Variants in CTNNA2 observed in about 807,000 individuals in gnomAD.
CTNNA2 encodes the protein catenin alpha 2, also known as catenin alpha-2.
In CTNNA2, 42 loss-of-function variants were observed where a neutral mutation model predicts 101.0. That is an observed-to-expected ratio of 0.42 (90% CI 0.32 to 0.54). CTNNA2 has a LOEUF of 0.54. Among genes scored for constraint, CTNNA2 ranks in the 20% least tolerant of loss-of-function variants. CTNNA2 has a pLI of 0.14. For synonymous variants in CTNNA2, 450 were observed against 456.4 expected (o/e 0.99, Z 0.18); for missense variants, 871 against 1,223.1 (o/e 0.71, Z 4.29).
In CTNNA2 at chr2:80,517,883, A is replaced by G. The variant is rs140812313; in HGVS notation, c.1291-27099A>G. Among the ~76,000 whole-genome samples, 333 of 152,328 alleles carry G rather than the reference A, an allele frequency of 2.2e-3. 1 individual carries two copies. The highest frequency in any genetic ancestry group is 7.6e-3 in the African/African-American group (314 of 41,578). On this transcript the variant is annotated intron_variant, in intron 9 of 18. Transcript: ENST00000402739. ...GATCCAGGAAACTCATTTTATGATC[A>G]GAGTGTATTGAAAACATTGGCTTGT...
chr2:79,486,645 G>T (rs138221923), intron 4 of CTNNA2, among the ~76,000 whole-genome samples: 1 of 152,018 alleles, frequency 6.6e-6, no homozygotes, highest in African/African-American at 2.4e-5. Flanking sequence ...CTGAGGAATC[G>T]CCACACTGAC....
chr2:79,222,683 T>TTC (rs201358863), intron 2 of CTNNA2, among the ~76,000 whole-genome samples: 3,612 of 150,948 alleles, frequency 0.024, 146 homozygotes, highest in East Asian at 0.16. Context: ...TCTTCCTTTA[T>TTC]TCTCTCTCTC....
At chr2:79,497,492 C>T (rs1172758298) in intron 4 of CTNNA2, among the ~76,000 whole-genome samples, 1 of 152,178 alleles carries the variant, frequency 6.6e-6, no homozygotes, top group Non-Finnish European at 1.5e-5. Flanking sequence ...ATTTCTCTAT[C>T]CCTTCCAGTT....
At chr2:79,513,677 C>T (rs1671651805) in intron 1 of CTNNA2, among the ~76,000 whole-genome samples, 1 of 136,824 alleles carries the variant, frequency 7.3e-6, no homozygotes, top group African/African-American at 2.8e-5. Flanking sequence ...GGGTAGAGTA[C>T]TGGGAACTGG....
At chr2:79,476,355 A>G (rs895297619) in intron 4 of CTNNA2, among the ~76,000 whole-genome samples, 3 of 152,216 alleles carry the variant, frequency 2.0e-5, no homozygotes, top group Non-Finnish European at 2.9e-5. Context: ...AGAAATCCTG[A>G]GCATCCAAGA....
At chr2:79,352,506 T>G (rs1412098037) in intron 3 of CTNNA2, among the ~76,000 whole-genome samples, 1 of 152,184 alleles carries the variant, frequency 6.6e-6, no homozygotes, top group African/African-American at 2.4e-5. Flanking sequence ...TAGCAGTCTA[T>G]TAATTTTGTT....
intron 7 of CTNNA2, among the ~76,000 whole-genome samples, chr2:80,047,028 T>C (rs1236723505): frequency 2.6e-5 from 4 of 152,134 alleles, no homozygotes; most frequent in African/African-American, 9.7e-5. Context: ...CTACCCCCAG[T>C]TGCGATACCT....
chr2:79,234,157 T>C (rs995404339), intron 2 of CTNNA2, among the ~76,000 whole-genome samples: 1 of 151,554 alleles, frequency 6.6e-6, no homozygotes, highest in Non-Finnish European at 1.5e-5. Context: ...TGCTTGAGAG[T>C]ATTTTTGAGG....
chr2:80,613,409 G>C (rs916722480), intron 17 of CTNNA2, among the ~76,000 whole-genome samples: 1 of 151,440 alleles, frequency 6.6e-6, no homozygotes, highest in East Asian at 2.0e-4. Context: ...GAAGAAATGG[G>C]AAGTTAATAG....
intron 9 of CTNNA2, among the ~76,000 whole-genome samples, chr2:80,468,693 G>A (rs1359287566): frequency 6.6e-6 from 1 of 152,172 alleles, no homozygotes; most frequent in African/African-American, 2.4e-5. Context: ...TGGGATTACA[G>A]GTGTGAGCCA....
At chr2:79,972,983 TG>T (rs1287856056) in intron 7 of CTNNA2, among the ~76,000 whole-genome samples, 1 of 152,190 alleles carries the variant, frequency 6.6e-6, no homozygotes, top group African/African-American at 2.4e-5. Context: ...AACTCATGAT[TG>T]ATCTAAAATT....
chr2:79,888,317 C>T (rs1388512915), intron 6 of CTNNA2, among the ~76,000 whole-genome samples: 1 of 152,154 alleles, frequency 6.6e-6, no homozygotes, highest in East Asian at 1.9e-4. Context: ...AGCTATACCG[C>T]TTCACTTTCC....
intron 7 of CTNNA2, among the ~76,000 whole-genome samples, chr2:80,218,193 A>G (rs2149049037): frequency 6.6e-6 from 1 of 152,340 alleles, no homozygotes; most frequent in South Asian, 2.1e-4. Flanking sequence ...ACTACCCATA[A>G]GTCTGGCTCT....
chr2:79,388,482 A>G (rs1365915383), intron 4 of CTNNA2, among the ~76,000 whole-genome samples: 1 of 152,244 alleles, frequency 6.6e-6, no homozygotes, highest in African/African-American at 2.4e-5. Flanking sequence ...TTAGGTCTCC[A>G]GTTTTTGTAG....
chr2:80,240,729 G>A (rs1173691399), intron 7 of CTNNA2, among the ~76,000 whole-genome samples: 2 of 152,094 alleles, frequency 1.3e-5, no homozygotes, highest in Non-Finnish European at 2.9e-5. Flanking sequence ...GATCTCATAT[G>A]GGAATGTAAG....
intron 3 of CTNNA2, among the ~76,000 whole-genome samples, chr2:79,800,891 G>A (rs1186965486): frequency 6.6e-6 from 1 of 152,200 alleles, no homozygotes; most frequent in African/African-American, 2.4e-5. Flanking sequence ...AGGTGTCATA[G>A]AAAGTGGTTA....
intron 7 of CTNNA2, among the ~76,000 whole-genome samples, chr2:80,146,935 TTTTATTTATTTA>T (rs71386614): frequency 0.011 from 1,489 of 131,480 alleles, 24 homozygotes; most frequent in African/African-American, 0.037. Context: ...GTATTTTGTA[TTTTATTTATTTA>T]TTTATTTATT....
intron 7 of CTNNA2, among the ~76,000 whole-genome samples, chr2:79,977,489 T>C (rs1558692703): frequency 6.6e-6 from 1 of 152,148 alleles, no homozygotes; most frequent in Non-Finnish European, 1.5e-5. Context: ...ACAGCACCTA[T>C]TTAGACTTGC....
At chr2:79,420,039 C>T (rs767249267) in intron 4 of CTNNA2, among the ~76,000 whole-genome samples, 13 of 152,204 alleles carry the variant, frequency 8.5e-5, no homozygotes, top group Admixed American at 3.3e-4. Flanking sequence ...TGAAATGGCC[C>T]TCACTTTGTT....
Sources: gnomAD v4.1 joint callset for allele counts (sites outside exome capture counted in the v4.1 genomes callset) on GRCh38, gnomAD v4.1.1 for gene constraint, MANE v1.5 for transcripts, NCBI Gene and HGNC (gene_info 2026-07-23, HGNC 2026-07-21) for gene names.